Variants in RNF157 observed in about 807,000 individuals in gnomAD.
RNF157 encodes E3 ubiquitin ligase RNF157.
A neutral mutation model predicts 88.3 loss-of-function variants in RNF157; 55 were observed. The ratio of observed to expected loss-of-function variants is 0.62; its 90% CI spans 0.50 to 0.78. RNF157 has a LOEUF of 0.78. Ranked by LOEUF, RNF157 falls within the 30% of genes least tolerant of loss-of-function variation. RNF157 has a pLI of 0.00. For synonymous variants in RNF157, 334 were observed against 341.2 expected, an observed-to-expected ratio of 0.98 and a Z score of 0.23; for missense variants, 788 against 860.8, an observed-to-expected ratio of 0.92 and a Z score of 1.06.
intron 2 of RNF157, among the ~76,000 whole-genome samples, chr17:76,210,453 A>T (rs9895378): frequency 3.3e-5 from 5 of 150,468 alleles, no homozygotes; most frequent in African/African-American, 9.8e-5. Context: ...AGCCGGGTGT[A>T]GTGGCGGGTG....
chr17:76,230,869 A>T, intron 1 of RNF157, among the ~76,000 whole-genome samples: 1 of 109,236 alleles, frequency 9.2e-6, no homozygotes, highest in South Asian at 2.8e-4. Flanking sequence ...AGAGAGAGAG[A>T]GAGAGAGAGA....
intron 2 of RNF157, among the ~76,000 whole-genome samples, chr17:76,211,626 T>C (rs1403638718): frequency 6.6e-6 from 1 of 152,204 alleles, no homozygotes; most frequent in East Asian, 1.9e-4. Context: ...GCTTCTGTCA[T>C]TATTCATCTC....
intron 17 of RNF157, chr17:76,153,192 A>G (rs1337927125): frequency 6.6e-6 from 1 of 152,258 alleles, no homozygotes; most frequent in Non-Finnish European, 1.5e-5. Flanking sequence ...ACCTGGCCAC[A>G]CCGCACTTCT....
intron 1 of RNF157, chr17:76,225,864 T>G (rs2070073907): frequency 1.2e-6 from 2 of 1,613,102 alleles, no homozygotes; most frequent in Non-Finnish European, 8.5e-7. Context: ...TCGTTCTTCT[T>G]TTCCAGCTCT....
In RNF157 at chr17:76,160,824, A is replaced by G. The variant is rs554395708; in HGVS notation, c.1065+711T>C. On this transcript the variant is annotated intron_variant, in intron 11 of 18. Transcript: ENST00000269391. This position sits in a 1 kb window ranked among gnomAD's most constrained non-coding sequence, Gnocchi z 4.3. ...TCCAAAGTCAACTAAATAATCATCTATAATTTATTCTAGATTTTGAATGTT... is the reference window on the plus strand; with the variant it reads ...TCCAAAGTCAACTAAATAATCATCTGTAATTTATTCTAGATTTTGAATGTT... Among the ~76,000 whole-genome samples, 8 of 152,326 alleles carry G rather than the reference A, an allele frequency of 5.3e-5. No individual in the cohort carries two copies. The East Asian group carries it at 1.5e-3, about 29-fold the overall frequency.
intron 1 of RNF157, among the ~76,000 whole-genome samples, chr17:76,236,628 CAATT>C (rs1403514857): frequency 6.6e-6 from 1 of 152,112 alleles, no homozygotes. Flanking sequence ...AATATTCACA[CAATT>C]ATTAATAAAT....
chr17:76,185,113 C>G (rs1424367643), intron 2 of RNF157, among the ~76,000 whole-genome samples: 17 of 152,130 alleles, frequency 1.1e-4, no homozygotes, highest in Non-Finnish European at 7.3e-5. Flanking sequence ...GGTCTTGACT[C>G]ATTGTTTGAG....
chr17:76,156,880 T>C (rs976597192), intron 13 of RNF157, among the ~76,000 whole-genome samples: 3 of 151,890 alleles, frequency 2.0e-5, no homozygotes, highest in African/African-American at 7.3e-5. Context: ...GATGCAAAGT[T>C]CTACGAACTG....
At position 76,143,002 on chromosome 17, in the gene RNF157, G is replaced by C. The variant is rs905790788; in HGVS notation, c.*2233C>G. On this transcript the variant is annotated 3_prime_UTR_variant, in exon 19 of 19. Coordinates refer to ENST00000269391, the MANE Select transcript of RNF157 (RefSeq NM_052916.3). Reference sequence around the variant, plus strand: ...GTGACTGTCTCCAGATGAAGGACTGGGGCAAAAGGGTTGGCCACTGACCTG... The same window carrying C: ...GTGACTGTCTCCAGATGAAGGACTGCGGCAAAAGGGTTGGCCACTGACCTG... The C allele has an allele frequency of 6.6e-6, 1 of 152,244 alleles. No homozygotes were observed. The highest frequency in any genetic ancestry group is 2.1e-4 in the South Asian group (1 of 4,834). The allele number at this position is 152,244 out of a possible 1,614,324, so 9.4% of individuals were successfully genotyped here.
chr17:76,172,050 C>T (rs59479793), intron 3 of RNF157, among the ~76,000 whole-genome samples: 2,577 of 152,288 alleles, frequency 0.017, 78 homozygotes, highest in African/African-American at 0.059. Flanking sequence ...TGGGTCAGGT[C>T]GGGGGACTGT....
chr17:76,194,485 AC>A (rs1020685715), intron 2 of RNF157, among the ~76,000 whole-genome samples: 1 of 152,112 alleles, frequency 6.6e-6, no homozygotes, highest in Non-Finnish European at 1.5e-5. Context: ...CTGCTGAAAG[AC>A]CCCCGAAAGC....
chr17:76,196,727 C>T (rs2069483970), intron 2 of RNF157, among the ~76,000 whole-genome samples: 1 of 152,102 alleles, frequency 6.6e-6, no homozygotes, highest in Admixed American at 6.5e-5. Context: ...ACCCCTTCTC[C>T]AAGAACTGGG....
chr17:76,153,026 G>A (rs1361859612), intron 17 of RNF157: 1 of 152,318 alleles, frequency 6.6e-6, no homozygotes, highest in African/African-American at 2.4e-5. Context: ...TATTTTCAGT[G>A]TGTTTTAAGT....
intron 6 of RNF157, 30 bp downstream of exon 6, chr17:76,166,431 A>G (rs774649415): frequency 5.0e-6 from 8 of 1,591,784 alleles, no homozygotes; most frequent in South Asian, 1.1e-5. Context: ...AGCAGTGTGC[A>G]CAGCCAAAGA....
rs141119957 is a variant in RNF157 at position 76,195,231 on chromosome 17, G to A, written c.207+17133C>T. Among the ~76,000 whole-genome samples the A allele has an allele frequency of 1.3e-5, 2 of 152,234 alleles. No homozygotes were observed. The highest frequency in any genetic ancestry group is 2.9e-5 in the Non-Finnish European group (2 of 68,018). On this transcript the variant is annotated intron_variant, in intron 2 of 18. Transcript: ENST00000269391. This position sits in a 1 kb window ranked among gnomAD's most constrained non-coding sequence, Gnocchi z 4.4. ...CCTACAAGCGGGGTAGAGCAAGGCT[G>A]GAAACAGGAGACTGGGGTTGGTGTG...
Position 76,154,252 on chromosome 17 carries a change from A to T in RNF157, c.1810+31T>A, listed in dbSNP as rs1247935834. The T allele has an allele frequency of 2.6e-6, 4 of 1,524,320 alleles. No individual in the cohort carries two copies. The South Asian group carries it at 4.5e-5, about 17-fold the overall frequency. 94.4% of individuals were successfully genotyped at this position (1,524,320 alleles called of 1,614,324 possible). ...GAATACCCAGGAAAGAAAGATAACTAAAGGAAGTAAAGGACCAGATCTTTT... is the reference window on the plus strand; with the variant it reads ...GAATACCCAGGAAAGAAAGATAACTTAAGGAAGTAAAGGACCAGATCTTTT... On this transcript the variant is annotated intron_variant, in intron 17 of 18. Coordinates refer to ENST00000269391, the MANE Select transcript of RNF157 (RefSeq NM_052916.3).
At chr17:76,235,294 T>G (rs1288727528) in intron 1 of RNF157, among the ~76,000 whole-genome samples, 1 of 151,316 alleles carries the variant, frequency 6.6e-6, no homozygotes, top group African/African-American at 2.4e-5. Flanking sequence ...GCCTCCTGGG[T>G]TCACATCATT....
chr17:76,187,350 A>AT (rs1031070210), intron 2 of RNF157, among the ~76,000 whole-genome samples: 1 of 151,290 alleles, frequency 6.6e-6, no homozygotes, highest in African/African-American at 2.4e-5. Context: ...TGCCCAGCTA[A>AT]TTTTTTGTAT....
chr17:76,165,565 G>GT lies in RNF157; in HGVS notation c.629-21dup. Reference sequence around the variant, plus strand: ...AATACTCTGAAAGAAACAAAGGCACGTGAGTGAAGAAGCCCAAACAGCACA... The same window carrying GT: ...AATACTCTGAAAGAAACAAAGGCACGTTGAGTGAAGAAGCCCAAACAGCACA... On this transcript the variant is annotated intron_variant, in intron 6 of 18. Coordinates refer to ENST00000269391, the MANE Select transcript of RNF157 (RefSeq NM_052916.3). 1 of 1,614,010 alleles carries GT rather than the reference G, an allele frequency of 6.2e-7. No homozygotes were observed. Among genetic ancestry groups the GT allele is most frequent in the Non-Finnish European group, 8.5e-7 (1 of 1,179,874 alleles).
Sources: gnomAD v4.1 joint callset for allele counts (sites outside exome capture counted in the v4.1 genomes callset) on GRCh38, gnomAD v4.1.1 for gene constraint, Gnocchi (gnomAD v3.1) non-coding constraint, MANE v1.5 for transcripts, NCBI Gene and HGNC (gene_info 2026-07-23, HGNC 2026-07-21) for gene names.